Variants in SRFBP1 observed in about 807,000 individuals in gnomAD.
SRFBP1 encodes the protein serum response factor-binding protein 1.
Under a neutral mutation model 45.5 loss-of-function variants are expected in SRFBP1, and 47 were observed. That is an observed-to-expected ratio of 1.03 (90% CI 0.82 to 1.32). The LOEUF (loss-of-function observed/expected upper bound fraction) is 1.32, where lower values mean the gene tolerates loss of function less well. Ranked by LOEUF, SRFBP1 falls within the 40% of genes most tolerant of loss-of-function variation. The pLI, the probability that SRFBP1 is intolerant of heterozygous loss-of-function variation, is 0.00. For synonymous variants in SRFBP1, 203 were observed against 166.3 expected (o/e 1.22, Z -1.70); for missense variants, 621 against 484.6 (o/e 1.28, Z -2.64).
At chr5:122,029,893 C>T (rs1753563073), downstream of SRFBP1, among the ~76,000 whole-genome samples, 1 of 152,122 alleles carries the variant, frequency 6.6e-6, no homozygotes, top group Admixed American at 6.5e-5. Flanking sequence ...TAGTGGGAGC[C>T]TCCCCAAGCT....
At chr5:122,068,335 A>T (rs750102988) in intron 2 of SRFBP1, among the ~76,000 whole-genome samples, 3 of 152,164 alleles carry the variant, frequency 2.0e-5, no homozygotes, top group Non-Finnish European at 4.4e-5. Context: ...AGCAAGAGAC[A>T]TTCTATGCAA....
intron 4 of SRFBP1, among the ~76,000 whole-genome samples, chr5:122,014,787 C>A (rs1392697177): frequency 6.6e-6 from 1 of 152,120 alleles, no homozygotes; most frequent in Non-Finnish European, 1.5e-5. Context: ...CCACACTAGA[C>A]ATGCAAGTAT....
chr5:121,998,571 C>T (rs1329871257), intron 4 of SRFBP1, among the ~76,000 whole-genome samples: 3 of 145,544 alleles, frequency 2.1e-5, no homozygotes, highest in Non-Finnish European at 4.5e-5. Context: ...TGCTAGATGA[C>T]GAGTTAGTGG....
In SRFBP1 at chr5:122,058,528, TAG is replaced by T. The variant is rs1491369717; in HGVS notation, n.312-16786_312-16785del. 4.0e-3 allele frequency among the ~76,000 whole-genome samples: 466 copies of T among 117,772 alleles called. 1 individual carries two copies. Among genetic ancestry groups the T allele is most frequent in the African/African-American group, 0.017 (453 of 26,668 alleles). 77.3% of individuals were successfully genotyped at this position (117,772 alleles called of 152,430 possible). ...TCATAGCTGTGAGAAGACAATGAGA[TAG>T]TGTGTGTGTGTGTGTGTGTGTGTGT... On this transcript the variant is annotated intron_variant and non_coding_transcript_variant, in intron 2 of 2. Coordinates refer to the SRFBP1 transcript ENST00000504881.
At chr5:122,036,413 G>A (rs1753693543) in intron 2 of SRFBP1, among the ~76,000 whole-genome samples, 1 of 152,152 alleles carries the variant, frequency 6.6e-6, no homozygotes, top group Non-Finnish European at 1.5e-5. Context: ...GTCACACATT[G>A]TGCTGGGAGA....
At chr5:122,001,723 G>A (rs1246344976) in intron 4 of SRFBP1, among the ~76,000 whole-genome samples, 6 of 151,754 alleles carry the variant, frequency 4.0e-5, no homozygotes, top group East Asian at 1.9e-4. Flanking sequence ...CACCGTGCCC[G>A]GCTAATTTTT....
In SRFBP1 at chr5:121,994,685, G is replaced by T; in HGVS notation, c.270+15G>T. On this transcript the variant is annotated intron_variant, in intron 4 of 7. Coordinates refer to ENST00000339397, the MANE Select transcript of SRFBP1 (RefSeq NM_152546.3). Reference sequence around the variant, plus strand: ...TCTTCAAAAAGGTATATCTGCAATAGATTATATTTGTCTTATGAAAAGTTT... The same window carrying T: ...TCTTCAAAAAGGTATATCTGCAATATATTATATTTGTCTTATGAAAAGTTT... The T allele has an allele frequency of 6.7e-7, 1 of 1,496,104 alleles. No individual in the cohort carries two copies. Among genetic ancestry groups the T allele is most frequent in the South Asian group, 1.3e-5 (1 of 79,928 alleles). The allele number at this position is 1,496,104 out of a possible 1,614,324, so 92.7% of individuals were successfully genotyped here. A position where few individuals can be genotyped will look rare whatever the true frequency, so the allele number is the denominator to read the frequency against.
chr5:121,972,320 G>C (rs1237682481), intron 1 of SRFBP1, among the ~76,000 whole-genome samples: 1 of 151,888 alleles, frequency 6.6e-6, no homozygotes, highest in Admixed American at 6.6e-5. Context: ...GTAGAAAAAT[G>C]ATGGTTCCCA....
Position 122,066,786 on chromosome 5 carries a change from C to T in SRFBP1, n.312-8529C>T, listed in dbSNP as rs778045600. On this transcript the variant is annotated intron_variant and non_coding_transcript_variant, in intron 2 of 2. Coordinates refer to the SRFBP1 transcript ENST00000504881. The stretch of plus-strand genomic sequence containing the variant: ...AGACAAAATAAGACAAATTATTAAC[C>T]TGATAATATAATGAATGAGTACAAC... 2.0e-5 allele frequency: 27 copies of T among 1,365,088 alleles called. 1 individual carries two copies. In the South Asian group the frequency reaches 2.8e-4, roughly 14 times the overall value. The allele number at this position is 1,365,088 out of a possible 1,614,324, so 84.6% of individuals were successfully genotyped here.
Position 122,025,280 on chromosome 5 carries a change from A to G in SRFBP1, c.1106-1662A>G, listed in dbSNP as rs1390755829. ...TCCAGTTTCATCCATGTCCCTACAAAGGACATGAACTCATCAGTTTTTATG... is the reference window on the plus strand; with the variant it reads ...TCCAGTTTCATCCATGTCCCTACAAGGGACATGAACTCATCAGTTTTTATG... On this transcript the variant is annotated intron_variant, in intron 7 of 7. Coordinates refer to ENST00000339397, the MANE Select transcript of SRFBP1 (RefSeq NM_152546.3). Among the ~76,000 whole-genome samples the G allele has an allele frequency of 2.6e-5, 4 of 152,192 alleles. No individual in the cohort carries two copies. The East Asian group carries it at 7.7e-4, about 29-fold the overall frequency.
At chr5:121,990,057 A>G (rs1359469159) in intron 3 of SRFBP1, among the ~76,000 whole-genome samples, 1 of 152,200 alleles carries the variant, frequency 6.6e-6, no homozygotes, top group African/African-American at 2.4e-5. Context: ...CATTCAACCC[A>G]GGAATACCAC....
At chr5:122,003,459 A>G (rs1752916079) in intron 4 of SRFBP1, among the ~76,000 whole-genome samples, 1 of 152,194 alleles carries the variant, frequency 6.6e-6, no homozygotes, top group Admixed American at 6.5e-5. Context: ...AAATCAAAAT[A>G]TGGCACAATA....
chr5:122,002,685 G>A (rs1181911096), intron 4 of SRFBP1, among the ~76,000 whole-genome samples: 2 of 152,156 alleles, frequency 1.3e-5, no homozygotes, highest in Non-Finnish European at 2.9e-5. Context: ...TCAAAGTGTT[G>A]AGAATATTGC....
intron 2 of SRFBP1, among the ~76,000 whole-genome samples, chr5:122,040,480 A>G (rs1468399343): frequency 6.6e-6 from 1 of 152,148 alleles, no homozygotes; most frequent in Non-Finnish European, 1.5e-5. Flanking sequence ...TTTTTCAGTA[A>G]AGACAGCCAA....
At chr5:121,983,850 A>G (rs1011112947) in intron 3 of SRFBP1, among the ~76,000 whole-genome samples, 2 of 151,652 alleles carry the variant, frequency 1.3e-5, no homozygotes, top group African/African-American at 4.8e-5. Flanking sequence ...TAGTAAACTT[A>G]CTTTGTTTTA....
intron 2 of SRFBP1, among the ~76,000 whole-genome samples, chr5:122,051,938 G>T (rs1167250330): frequency 2.0e-5 from 3 of 152,098 alleles, no homozygotes; most frequent in Non-Finnish European, 2.9e-5. Context: ...TGTAAGGCAG[G>T]TCTGATGATA....
intron 3 of SRFBP1, among the ~76,000 whole-genome samples, chr5:121,992,203 A>G (rs963508396): frequency 3.9e-5 from 6 of 152,004 alleles, no homozygotes; most frequent in Non-Finnish European, 8.8e-5. Context: ...GTGGGGCCAT[A>G]TTCTCTCTGT....
intron 2 of SRFBP1, among the ~76,000 whole-genome samples, chr5:122,053,454 G>A (rs148066115): frequency 6.6e-6 from 1 of 152,160 alleles, no homozygotes; most frequent in Admixed American, 6.5e-5. Context: ...ACAACAGGAA[G>A]CTGCACCCTC....
chr5:121,964,569 G>A (rs777867383), intron 1 of SRFBP1, among the ~76,000 whole-genome samples: 16 of 152,148 alleles, frequency 1.1e-4, no homozygotes, highest in East Asian at 9.7e-4. Flanking sequence ...TATATGTGCC[G>A]CATTTTCATT....
Sources: gnomAD v4.1 joint callset for allele counts (sites outside exome capture counted in the v4.1 genomes callset) on GRCh38, gnomAD v4.1.1 for gene constraint, MANE v1.5 for transcripts, NCBI Gene and HGNC (gene_info 2026-07-23, HGNC 2026-07-21) for gene names.